RUNX1T1: variants seen among roughly 807,000 people sequenced by gnomAD.
The protein encoded by RUNX1T1 is protein CBFA2T1.
RUNX1T1 carries 4 observed loss-of-function variants against 62.8 expected under a neutral mutation model. That is an observed-to-expected ratio of 0.06 (90% CI 0.03 to 0.15). The LOEUF (loss-of-function observed/expected upper bound fraction) is 0.15. RUNX1T1 is among the 10% of genes least tolerant of loss of function. The probability of loss-of-function intolerance (pLI) is 1.00; values close to 1 mark genes in which losing one functional copy is unlikely to be tolerated. For missense variants in RUNX1T1, 508 were observed against 754.3 expected, an observed-to-expected ratio of 0.67 and a Z score of 3.82; for synonymous variants, 291 against 286.0, an observed-to-expected ratio of 1.02 and a Z score of -0.18.
At chr8:91,985,138 G>A (rs956850515) in intron 8 of RUNX1T1, among the ~76,000 whole-genome samples, 6 of 152,174 alleles carry the variant, frequency 3.9e-5, no homozygotes, top group African/African-American at 1.4e-4. Context: ...ACGTTTTGCA[G>A]CATGGACAGT....
intron 1 of RUNX1T1, among the ~76,000 whole-genome samples, chr8:92,084,416 C>T (rs58705927): frequency 0.013 from 2,036 of 151,850 alleles, 45 homozygotes; most frequent in African/African-American, 0.046. Flanking sequence ...GCAATGAAAG[C>T]GACCAAGGTG....
chr8:92,039,388 T>G (rs1011836884), intron 1 of RUNX1T1, among the ~76,000 whole-genome samples: 4 of 152,176 alleles, frequency 2.6e-5, no homozygotes, highest in Non-Finnish European at 4.4e-5. Flanking sequence ...TGTGAAACTC[T>G]TTGTTGTTTT....
At chr8:91,965,102 C>T (rs1027688823) in intron 10 of RUNX1T1, among the ~76,000 whole-genome samples, 1 of 152,154 alleles carries the variant, frequency 6.6e-6, no homozygotes, top group Admixed American at 6.5e-5. Context: ...TAGATACAGT[C>T]CTTGCTCCAG....
At chr8:92,062,721 A>G in exon 1 of RUNX1T1, 1 of 1,580,420 alleles carries the variant, frequency 6.3e-7, no homozygotes. Flanking sequence ...TGCCAGGCAG[A>G]GACAGATGGA....
At chr8:92,093,785 C>T (rs533152016) in intron 1 of RUNX1T1, among the ~76,000 whole-genome samples, 1 of 152,300 alleles carries the variant, frequency 6.6e-6, no homozygotes, top group East Asian at 1.9e-4. Flanking sequence ...TAAATAACTC[C>T]AGGTAAAGGT....
At chr8:91,976,071 T>C in intron 8 of RUNX1T1, 98 bp from the exon 10 acceptor site, 4 of 822,032 alleles carry the variant, frequency 4.9e-6, no homozygotes, top group Non-Finnish European at 6.1e-6. Flanking sequence ...CCCATTCTCC[T>C]GGCTTCTCTA....
At chr8:91,988,285 G>A (rs1816975725) in intron 6 of RUNX1T1, among the ~76,000 whole-genome samples, 1 of 151,990 alleles carries the variant, frequency 6.6e-6, no homozygotes, top group South Asian at 2.1e-4. Context: ...AAGATGCTTT[G>A]TACCATTCCT....
chr8:91,997,775 G>A (rs566437050), intron 5 of RUNX1T1, among the ~76,000 whole-genome samples: 1 of 152,078 alleles, frequency 6.6e-6, no homozygotes, highest in East Asian at 1.9e-4. Context: ...CCCCAGATTT[G>A]TTTGCTGTTT....
intron 1 of RUNX1T1, among the ~76,000 whole-genome samples, chr8:92,021,289 A>C (rs533109549): frequency 6.6e-6 from 1 of 152,274 alleles, no homozygotes; most frequent in African/African-American, 2.4e-5. Flanking sequence ...TTTTTATTTC[A>C]CTGGAAAAGA....
At chr8:92,072,965 C>T (rs1833905806) in intron 2 of RUNX1T1, among the ~76,000 whole-genome samples, 2 of 152,128 alleles carry the variant, frequency 1.3e-5, no homozygotes, top group South Asian at 2.1e-4. Context: ...ATTGATACTA[C>T]CTATATATCC....
At chr8:92,083,005 G>T (rs1056917194) in intron 1 of RUNX1T1, among the ~76,000 whole-genome samples, 5 of 152,144 alleles carry the variant, frequency 3.3e-5, no homozygotes, top group Admixed American at 1.3e-4. Context: ...TTTCAGCCTT[G>T]TTCGGACCCT....
chr8:92,011,609 AC>A (rs1292885082), intron 3 of RUNX1T1, among the ~76,000 whole-genome samples: 1 of 152,212 alleles, frequency 6.6e-6, no homozygotes, highest in East Asian at 1.9e-4. Flanking sequence ...CTCAGGGTGA[AC>A]ATCAAAGTTG....
intron 1 of RUNX1T1, among the ~76,000 whole-genome samples, chr8:92,051,414 T>C (rs557107362): frequency 4.4e-4 from 67 of 152,152 alleles, no homozygotes; most frequent in African/African-American, 1.5e-3. Context: ...AACAAAGTAG[T>C]ACATGGTTTC....
At chr8:91,955,626 C>T, downstream of RUNX1T1, 1 of 226,538 alleles carries the variant, frequency 4.4e-6, no homozygotes, top group East Asian at 6.4e-5. Flanking sequence ...CCAAGTCACC[C>T]TCCCATGTAA....
intron 1 of RUNX1T1, among the ~76,000 whole-genome samples, chr8:92,050,395 A>G (rs1830049125): frequency 6.6e-6 from 1 of 152,184 alleles, no homozygotes; most frequent in Non-Finnish European, 1.5e-5. Flanking sequence ...ATGTTCCTTG[A>G]AACTATCCCA....
chr8:92,100,940 G>A (rs1838007103), upstream of RUNX1T1, among the ~76,000 whole-genome samples: 1 of 152,178 alleles, frequency 6.6e-6, no homozygotes, highest in African/African-American at 2.4e-5. Flanking sequence ...GGGCACAACA[G>A]AATACTCACA....
At chr8:92,024,694 T>C (rs1375177565) in intron 1 of RUNX1T1, among the ~76,000 whole-genome samples, 1 of 152,128 alleles carries the variant, frequency 6.6e-6, no homozygotes, top group Non-Finnish European at 1.5e-5. Flanking sequence ...CAGAATTCCA[T>C]GAGTCTAATA....
chr8:92,013,018 A>G (rs1446121645), intron 3 of RUNX1T1, among the ~76,000 whole-genome samples: 1 of 152,140 alleles, frequency 6.6e-6, no homozygotes, highest in Admixed American at 6.5e-5. Context: ...ATTTTCAATT[A>G]TGGAACCACT....
At chr8:92,095,176 G>A (rs539658448) in intron 1 of RUNX1T1, 3 of 1,535,298 alleles carry the variant, frequency 2.0e-6, no homozygotes, top group East Asian at 4.9e-5. Flanking sequence ...CGCCAGCTAA[G>A]AGGAGCGACA....
Sources: allele counts gnomAD v4.1 joint callset (sites outside exome capture counted in the v4.1 genomes callset), GRCh38; gene constraint gnomAD v4.1.1; transcripts MANE v1.5; gene names NCBI Gene and HGNC (gene_info 2026-07-23, HGNC 2026-07-21).